The following COTL1 variants were observed in gnomAD, a reference collection of about 807,000 sequenced individuals.
The protein encoded by COTL1 is coactosin-like protein.
A neutral mutation model predicts 16.5 loss-of-function variants in COTL1; 15 were observed. That is an observed-to-expected ratio of 0.91 (90% CI 0.61 to 1.40). The LOEUF (loss-of-function observed/expected upper bound fraction) is 1.40. Among genes scored for constraint, COTL1 ranks in the 40% most tolerant of loss-of-function variants. The pLI, the probability that COTL1 is intolerant of heterozygous loss-of-function variation, is 0.00. For synonymous variants in COTL1, 112 were observed against 85.3 expected (o/e 1.31, Z -1.73); for missense variants, 220 against 201.5 (o/e 1.09, Z -0.56).
chr16:84,617,486 G>T lies in COTL1; in HGVS notation c.160+15C>A. 1 of 1,548,288 alleles carries T rather than the reference G, an allele frequency of 6.5e-7. No homozygotes were observed. On this transcript the variant is annotated intron_variant, in intron 2 of 3. Transcript: ENST00000262428. The stretch of plus-strand genomic sequence containing the variant: ...CCAACGACCGCGCATCCGCCCGGCA[G>T]GCGCGCCTCCCTACCTGTGCACTGC...
intron 2 of COTL1, among the ~76,000 whole-genome samples, chr16:84,603,648 T>A (rs890717858): frequency 6.6e-6 from 1 of 151,894 alleles, no homozygotes; most frequent in African/African-American, 2.4e-5. Flanking sequence ...GGCAACAGAC[T>A]ATGAAGCGAA....
chr16:84,587,390 T>A (rs1422776091), intron 3 of COTL1, among the ~76,000 whole-genome samples: 1 of 152,220 alleles, frequency 6.6e-6, no homozygotes, highest in South Asian at 2.1e-4. Context: ...CTCCCGAGAT[T>A]GTTTTCTAAA....
chr16:84,570,857 G>A (rs1192229152), intron 3 of COTL1, among the ~76,000 whole-genome samples: 2 of 152,092 alleles, frequency 1.3e-5, no homozygotes, highest in African/African-American at 4.8e-5. Flanking sequence ...CACTGAACTG[G>A]CTCATACCTA....
intron 3 of COTL1, among the ~76,000 whole-genome samples, chr16:84,586,807 T>G (rs1282915290): frequency 6.6e-6 from 1 of 152,008 alleles, no homozygotes; most frequent in East Asian, 1.9e-4. Context: ...GCCAGGCTGG[T>G]CTCGAACTCC....
chr16:84,583,814 T>C (rs945412513), intron 3 of COTL1, among the ~76,000 whole-genome samples: 1 of 152,132 alleles, frequency 6.6e-6, no homozygotes, highest in Admixed American at 6.6e-5. Flanking sequence ...GTTCACACCA[T>C]CCCTGGCACG....
intron 3 of COTL1, chr16:84,568,554 C>A (rs1482776960): frequency 2.6e-5 from 4 of 152,130 alleles, no homozygotes; most frequent in Non-Finnish European, 4.4e-5. Context: ...GCATGAAGAC[C>A]ATGTACTGTC....
chr16:84,597,472 C>T (rs1905028787), intron 2 of COTL1, among the ~76,000 whole-genome samples: 1 of 152,178 alleles, frequency 6.6e-6, no homozygotes, highest in African/African-American at 2.4e-5. Context: ...ACCAGCAGCA[C>T]CACAGCACCC....
At chr16:84,616,903 A>G (rs1163185937) in intron 2 of COTL1, among the ~76,000 whole-genome samples, 1 of 152,180 alleles carries the variant, frequency 6.6e-6, no homozygotes, top group Non-Finnish European at 1.5e-5. Flanking sequence ...GCCCCTCCCC[A>G]TCAGTGGCTA....
At chr16:84,569,401 C>T (rs765737190) in intron 3 of COTL1, among the ~76,000 whole-genome samples, 22 of 152,012 alleles carry the variant, frequency 1.4e-4, no homozygotes, top group Non-Finnish European at 1.8e-4. Context: ...ACAAAAAAGT[C>T]GCCATATTGC....
chr16:84,616,824 G>C (rs1403861235), intron 2 of COTL1, among the ~76,000 whole-genome samples: 2 of 152,140 alleles, frequency 1.3e-5, no homozygotes, highest in Non-Finnish European at 2.9e-5. Context: ...GTACACACCT[G>C]CATAACCCCC....
chr16:84,575,445 A>G (rs1217490895), intron 3 of COTL1: 7 of 151,070 alleles, frequency 4.6e-5, no homozygotes, highest in Admixed American at 4.0e-4. Context: ...CACAACCTCC[A>G]CTTCCAGGTT....
chr16:84,598,465 T>G (rs1905048683), intron 2 of COTL1, among the ~76,000 whole-genome samples: 1 of 152,162 alleles, frequency 6.6e-6, no homozygotes, highest in Non-Finnish European at 1.5e-5. Flanking sequence ...ATCAGCATCC[T>G]AACGTTCTCA....
intron 3 of COTL1, among the ~76,000 whole-genome samples, chr16:84,588,390 G>A (rs543593682): frequency 9.9e-5 from 15 of 152,190 alleles, no homozygotes; most frequent in African/African-American, 2.9e-4. Context: ...CAGTGAAAAC[G>A]TCAACATTGG....
At chr16:84,586,706 C>A (rs1024244990) in intron 3 of COTL1, among the ~76,000 whole-genome samples, 2 of 152,122 alleles carry the variant, frequency 1.3e-5, no homozygotes. Flanking sequence ...GCCTCAGCCT[C>A]CCGAGTAGCT....
chr16:84,604,065 G>A (rs1294485901), intron 2 of COTL1, among the ~76,000 whole-genome samples: 5 of 117,064 alleles, frequency 4.3e-5, no homozygotes, highest in African/African-American at 1.3e-4. Flanking sequence ...GCCCCACCAC[G>A]GCCCAACCCC....
intron 3 of COTL1, among the ~76,000 whole-genome samples, chr16:84,578,836 T>C (rs908564687): frequency 6.8e-6 from 1 of 147,350 alleles, no homozygotes; most frequent in Non-Finnish European, 1.5e-5. Flanking sequence ...CACAGGTGCA[T>C]AGAAACACAG....
At chr16:84,617,744 G>C (rs749230394) in intron 1 of COTL1, 94 bp downstream of exon 1, 93 of 1,400,454 alleles carry the variant, frequency 6.6e-5, no homozygotes, top group Non-Finnish European at 7.8e-5. Context: ...CAGCGCGGGA[G>C]GCCCGAATCC....
intron 2 of COTL1, chr16:84,595,140 C>T (rs1463259008): frequency 1.3e-5 from 2 of 152,320 alleles, no homozygotes; most frequent in African/African-American, 4.8e-5. Context: ...GTAAGTTACA[C>T]CCACAACCCC....
intron 3 of COTL1, among the ~76,000 whole-genome samples, chr16:84,582,459 T>A (rs1904621282): frequency 6.6e-6 from 1 of 152,254 alleles, no homozygotes; most frequent in African/African-American, 2.4e-5. Flanking sequence ...TCTTCATTTC[T>A]TAGCCCTTGT....
Sources: gnomAD v4.1 joint callset for allele counts (sites outside exome capture counted in the v4.1 genomes callset) on GRCh38, gnomAD v4.1.1 for gene constraint, MANE v1.5 for transcripts, NCBI Gene and HGNC (gene_info 2026-07-23, HGNC 2026-07-21) for gene names.